GTF2A1L: variants seen among roughly 807,000 people sequenced by gnomAD.
GTF2A1L encodes general transcription factor IIA subunit 1 like.
In GTF2A1L, 48 loss-of-function variants were observed where a neutral mutation model predicts 49.7. The ratio of observed to expected loss-of-function variants is 0.97; its 90% confidence interval spans 0.77 to 1.23. The LOEUF (loss-of-function observed/expected upper bound fraction) is 1.23. Among genes scored for constraint, GTF2A1L ranks in the 50% most tolerant of loss-of-function variants. The pLI, the probability that GTF2A1L is intolerant of heterozygous loss-of-function variation, is 0.00. For missense variants in GTF2A1L, 736 were observed against 564.8 expected (o/e 1.30, Z -3.07); for synonymous variants, 246 against 193.5 (o/e 1.27, Z -2.25).
rs1284884385 is a variant in GTF2A1L, at chr2:48,627,771, C to T, written c.247+6481C>T. Among the ~76,000 whole-genome samples the T allele has an allele frequency of 3.5e-5, 5 of 142,990 alleles. 1 individual carries two copies. The highest frequency in any genetic ancestry group is 7.4e-5 in the African/African-American group (3 of 40,286). 93.8% of individuals were successfully genotyped at this position (142,990 alleles called of 152,430 possible). On this transcript the variant is annotated intron_variant, in intron 3 of 8. Transcript: ENST00000403751. ...CAGGGGTACACAGGCAGGTTTGTTA[C>T]ATGGGTATATTGCATGATTCTGAGG... is the stretch of plus-strand genomic sequence containing the variant.
rs561746772 is a variant in GTF2A1L at position 48,624,448 on chromosome 2, T to C, written c.247+3158T>C. On this transcript the variant is annotated intron_variant, in intron 3 of 8. Transcript: ENST00000403751. ...TTTATTGTATGTAAGGTGTTCACCA[T>C]AGTGCTTTGATATAGATAGATAGAT... Among the ~76,000 whole-genome samples the C allele has an allele frequency of 1.3e-4, 13 of 101,952 alleles. 1 individual carries two copies. In the Admixed American group the frequency reaches 1.4e-3, roughly 11 times the overall value. The allele number at this position is 101,952 out of a possible 152,430, so 66.9% of individuals were successfully genotyped here.
chr2:48,636,697 C>T (rs545589380), intron 3 of GTF2A1L, among the ~76,000 whole-genome samples: 11 of 152,196 alleles, frequency 7.2e-5, no homozygotes, highest in East Asian at 3.9e-4. Context: ...TATTACACTC[C>T]GAGAACTGTT....
chr2:48,623,131 G>A (rs1313050074), intron 3 of GTF2A1L, among the ~76,000 whole-genome samples: 1 of 152,082 alleles, frequency 6.6e-6, no homozygotes, highest in Non-Finnish European at 1.5e-5. Flanking sequence ...GCTTGTTCCT[G>A]TCTCTCTTCA....
intron 1 of GTF2A1L, among the ~76,000 whole-genome samples, chr2:48,619,332 A>G (rs1675842412): frequency 6.6e-6 from 1 of 151,900 alleles, no homozygotes; most frequent in Non-Finnish European, 1.5e-5. Context: ...TAGCCAGGTG[A>G]GGTCGTGCAC....
rs577001420 is a variant in GTF2A1L at position 48,622,298 on chromosome 2, G to T, written c.247+1008G>T. Among the ~76,000 whole-genome samples the T allele has an allele frequency of 2.6e-5, 4 of 152,338 alleles. No individual in the cohort carries two copies. In the East Asian group the frequency reaches 7.7e-4, roughly 29 times the overall value. On this transcript the variant is annotated intron_variant, in intron 3 of 8. Transcript: ENST00000403751. The stretch of plus-strand genomic sequence containing the variant: ...GCAAATACAAGTTTTATCGAATACT[G>T]TGTTAATAAAGTATAATTTTGCTCT...
chr2:48,678,388 AC>A (rs1375147853), intron 8 of GTF2A1L, among the ~76,000 whole-genome samples: 1 of 151,074 alleles, frequency 6.6e-6, no homozygotes, highest in Non-Finnish European at 1.5e-5. Flanking sequence ...GGACTTTAAA[AC>A]CCCCCCACAA....
At chr2:48,647,138 T>TTA in intron 6 of GTF2A1L, 96 bp downstream of exon 6, 1 of 1,120,338 alleles carries the variant, frequency 8.9e-7, no homozygotes, top group Non-Finnish European at 1.2e-6. Context: ...TTAATCAGAA[T>TTA]TATATATATT....
chr2:48,634,452 G>A (rs772789284), intron 3 of GTF2A1L, among the ~76,000 whole-genome samples: 1 of 152,104 alleles, frequency 6.6e-6, no homozygotes, highest in Non-Finnish European at 1.5e-5. Context: ...ATTGTTAGCT[G>A]GTTGCTTTGT....
intron 3 of GTF2A1L, among the ~76,000 whole-genome samples, chr2:48,636,950 G>C (rs551169927): frequency 6.6e-6 from 1 of 152,250 alleles, no homozygotes; most frequent in South Asian, 2.1e-4. Context: ...GGAAGGAAGG[G>C]AAGGGAGGAA....
intron 1 of GTF2A1L, among the ~76,000 whole-genome samples, chr2:48,618,600 G>C (rs1053000637): frequency 1.3e-5 from 2 of 152,136 alleles, no homozygotes; most frequent in Non-Finnish European, 2.9e-5. Context: ...TGGGTTCCGG[G>C]TATTATATAT....
chr2:48,620,119 TA>T (rs1020941516), intron 1 of GTF2A1L, among the ~76,000 whole-genome samples: 56 of 152,342 alleles, frequency 3.7e-4, no homozygotes, highest in Admixed American at 3.3e-3. Context: ...TAGTGAACCC[TA>T]AAAAATTCTC....
rs763645144 is a variant in GTF2A1L at position 48,621,283 on chromosome 2, G to A, written c.240G>A (p.Ser80=). 1.2e-5 allele frequency: 20 copies of A among 1,613,810 alleles called. No homozygotes were observed. Among genetic ancestry groups the A allele is most frequent in the African/African-American group, 4.0e-5 (3 of 74,844 alleles). The change falls in exon 3 of 9, where the codon TCG becomes TCA. Residue 80 remains serine, a synonymous_variant. Coordinates refer to ENST00000403751, the MANE Select transcript of GTF2A1L (RefSeq NM_006872.5). ...LPHSLHQTLQ[S]STASLVIPAG... is the part of the protein sequence containing the mutation. Reference sequence around the variant, plus strand: ...ACAGCTTGCACCAAACATTGCAATCGTCAACAGGTTGGATACCATTAGTAA... The same window carrying A: ...ACAGCTTGCACCAAACATTGCAATCATCAACAGGTTGGATACCATTAGTAA...
intron 7 of GTF2A1L, among the ~76,000 whole-genome samples, chr2:48,670,895 C>G (rs1158115021): frequency 1.3e-5 from 2 of 152,066 alleles, no homozygotes; most frequent in African/African-American, 2.4e-5. Context: ...GTGATCTTGA[C>G]TCACTGCAAC....
intron 4 of GTF2A1L, among the ~76,000 whole-genome samples, chr2:48,643,228 C>G (rs1057441167): frequency 1.1e-4 from 17 of 151,960 alleles, no homozygotes; most frequent in African/African-American, 4.1e-4. Context: ...TATATTTTCC[C>G]CCTTAGTACT....
intron 6 of GTF2A1L, among the ~76,000 whole-genome samples, chr2:48,652,746 G>A (rs1204862641): frequency 1.3e-5 from 2 of 150,868 alleles, no homozygotes; most frequent in East Asian, 4.1e-4. Context: ...CCAGACTGGA[G>A]TGCAGTGGTG....
intron 6 of GTF2A1L, among the ~76,000 whole-genome samples, chr2:48,647,526 T>C (rs1429927767): frequency 1.3e-5 from 2 of 152,060 alleles, no homozygotes; most frequent in Non-Finnish European, 2.9e-5. Context: ...ACCAGTAGTT[T>C]GTGGAATGTT....
chr2:48,622,833 TAA>T (rs5830995), intron 3 of GTF2A1L, among the ~76,000 whole-genome samples: 33 of 128,288 alleles, frequency 2.6e-4, no homozygotes, highest in East Asian at 4.5e-4. Flanking sequence ...GACTCCATCT[TAA>T]AAAAAAAAAA....
At chr2:48,655,619 C>A (rs1259713241) in intron 6 of GTF2A1L, among the ~76,000 whole-genome samples, 1 of 152,136 alleles carries the variant, frequency 6.6e-6, no homozygotes, top group Non-Finnish European at 1.5e-5. Flanking sequence ...TCAGTTTTGC[C>A]ACATAGTATA....
At chr2:48,634,866 C>T (rs561979719) in intron 3 of GTF2A1L, among the ~76,000 whole-genome samples, 2 of 152,222 alleles carry the variant, frequency 1.3e-5, no homozygotes, top group South Asian at 2.1e-4. Context: ...TCTGGGAGGG[C>T]AGGGGCCATG....
Sources: allele counts gnomAD v4.1 joint callset (sites outside exome capture counted in the v4.1 genomes callset), GRCh38; gene constraint gnomAD v4.1.1; transcripts MANE v1.5; gene names NCBI Gene and HGNC (gene_info 2026-07-23, HGNC 2026-07-21).